The following RYR2 variants were observed in gnomAD, a reference collection of about 807,000 sequenced individuals.
The protein encoded by RYR2 is cardiac muscle ryanodine receptor-calcium release channel.
A neutral mutation model predicts 601.1 loss-of-function variants in RYR2; 227 were observed. The observed-to-expected ratio is 0.38, with a 90% CI of 0.34 to 0.42. The LOEUF (loss-of-function observed/expected upper bound fraction) is 0.42, where lower values mean the gene tolerates loss of function less well. Ranked by LOEUF, RYR2 falls within the 10% of genes least tolerant of loss-of-function variation. The probability of loss-of-function intolerance (pLI) is 1.00; values close to 1 mark genes in which losing one functional copy is unlikely to be tolerated. For synonymous variants in RYR2, 2,223 were observed against 2,175.1 expected (o/e 1.02, Z -0.61); for missense variants, 4,646 against 6,156.5 (o/e 0.75, Z 8.21).
At chr1:237,057,773 A>C (rs934026227) in intron 1 of RYR2, among the ~76,000 whole-genome samples, 1 of 152,130 alleles carries the variant, frequency 6.6e-6, no homozygotes, top group Non-Finnish European at 1.5e-5. Context: ...ACAAGATGGG[A>C]TAGAGATGCC....
At chr1:237,056,330 C>G (rs1273073405) in intron 1 of RYR2, among the ~76,000 whole-genome samples, 2 of 148,338 alleles carry the variant, frequency 1.3e-5, no homozygotes, top group Admixed American at 6.7e-5. Flanking sequence ...AGCACTGCAC[C>G]TATGAGGACT....
Position 237,364,412 on chromosome 1 carries a change from A to G in RYR2, c.309+40A>G, listed in dbSNP as rs371073649. On this transcript the variant is annotated intron_variant, in intron 5 of 104. Transcript: ENST00000366574. Reference sequence around the variant, plus strand: ...TATATATGCTATGTATATATATAGCAGATATATTACTATATATGGATTATA... The same window carrying G: ...TATATATGCTATGTATATATATAGCGGATATATTACTATATATGGATTATA... 2.9e-5 allele frequency: 34 copies of G among 1,176,514 alleles called. No individual in the cohort carries two copies. In the African/African-American group the frequency reaches 4.8e-4, roughly 17 times the overall value. The allele number at this position is 1,176,514 out of a possible 1,614,324, so 72.9% of individuals were successfully genotyped here.
At chr1:237,590,493 G>A (rs1675031781) in intron 30 of RYR2, 147 bp from the exon 31 acceptor site, 2 of 592,316 alleles carry the variant, frequency 3.4e-6, no homozygotes, top group African/African-American at 3.7e-5. Flanking sequence ...CCATAGCACA[G>A]TAATCTGTTT....
chr1:237,641,563 G>A (rs1477596606), intron 47 of RYR2, among the ~76,000 whole-genome samples: 2 of 137,734 alleles, frequency 1.5e-5, no homozygotes, highest in Non-Finnish European at 3.1e-5. Context: ...TTTAATTGAG[G>A]CAAGGTCTTG....
At chr1:237,127,938 C>T (rs376013962) in intron 1 of RYR2, among the ~76,000 whole-genome samples, 12 of 150,386 alleles carry the variant, frequency 8.0e-5, no homozygotes, top group East Asian at 6.0e-4. Flanking sequence ...ACATCCCAGA[C>T]GATGGGCGGC....
chr1:237,786,617 A>G (rs1414533081), intron 91 of RYR2, among the ~76,000 whole-genome samples: 1 of 151,822 alleles, frequency 6.6e-6, no homozygotes, highest in Non-Finnish European at 1.5e-5. Flanking sequence ...ACGCAGCAAT[A>G]AAAAAGAGCT....
chr1:237,378,701 T>C (rs910928844), intron 8 of RYR2, among the ~76,000 whole-genome samples: 22 of 152,242 alleles, frequency 1.4e-4, no homozygotes, highest in African/African-American at 5.1e-4. Flanking sequence ...CCCCCTTTGT[T>C]CTATAAACAT....
chr1:237,353,306 C>T (rs770777995), intron 3 of RYR2, among the ~76,000 whole-genome samples: 2 of 151,722 alleles, frequency 1.3e-5, no homozygotes, highest in Non-Finnish European at 2.9e-5. Flanking sequence ...GTCAGGAGTT[C>T]GAGATCAGCC....
chr1:237,360,806 A>G (rs1699715985), intron 4 of RYR2, among the ~76,000 whole-genome samples: 2 of 152,196 alleles, frequency 1.3e-5, no homozygotes, highest in Non-Finnish European at 2.9e-5. Context: ...CCTGTAATCA[A>G]TATGTCTGTC....
At chr1:237,395,536 T>TTTTTTTTTG in intron 10 of RYR2, among the ~76,000 whole-genome samples, 1 of 11,284 alleles carries the variant, frequency 8.9e-5, no homozygotes, top group Non-Finnish European at 1.3e-4. Flanking sequence ...GGACTGTCTT[T>TTTTTTTTTG]TTTTTTTTTT....
At chr1:237,779,576 C>T (rs1694934957) in intron 88 of RYR2, among the ~76,000 whole-genome samples, 1 of 152,224 alleles carries the variant, frequency 6.6e-6, no homozygotes, top group Non-Finnish European at 1.5e-5. Flanking sequence ...GGTCTCTCTT[C>T]CCTGAGGCCT....
At chr1:237,667,582 G>A (rs1244927234) in intron 57 of RYR2, among the ~76,000 whole-genome samples, 1 of 152,108 alleles carries the variant, frequency 6.6e-6, no homozygotes, top group African/African-American at 2.4e-5. Flanking sequence ...ACAAGAACTT[G>A]TAAATACAAA....
intron 100 of RYR2, among the ~76,000 whole-genome samples, chr1:237,814,297 A>AGAT (rs1173762601): frequency 4.6e-5 from 7 of 152,230 alleles, no homozygotes; most frequent in African/African-American, 1.7e-4. Flanking sequence ...AGTTCTCAAA[A>AGAT]GATGATCCTT....
intron 1 of RYR2, among the ~76,000 whole-genome samples, chr1:237,127,582 C>T (rs1360973779): frequency 6.6e-6 from 1 of 151,704 alleles, no homozygotes; most frequent in Non-Finnish European, 1.5e-5. Context: ...CCACCTCCCT[C>T]CCGGACGGGG....
At chr1:237,797,892 A>G in intron 96 of RYR2, 145 bp from the exon 97 acceptor site, 2 of 687,830 alleles carry the variant, frequency 2.9e-6, no homozygotes, top group Middle Eastern at 5.6e-4. Flanking sequence ...GTGTGATCAC[A>G]GAAGGTGAGC....
intron 70 of RYR2, among the ~76,000 whole-genome samples, chr1:237,710,849 G>T (rs1688780009): frequency 6.6e-6 from 1 of 152,064 alleles, no homozygotes; most frequent in South Asian, 2.1e-4. Context: ...ATACATGAAT[G>T]AATGTATAAA....
At chr1:237,697,586 T>G (rs978128474) in intron 63 of RYR2, among the ~76,000 whole-genome samples, 4 of 148,474 alleles carry the variant, frequency 2.7e-5, no homozygotes, top group Admixed American at 6.8e-5. Context: ...TATGCTGATA[T>G]TTTGCTAAAT....
At chr1:237,083,797 C>G (rs960905485) in intron 1 of RYR2, among the ~76,000 whole-genome samples, 1 of 152,088 alleles carries the variant, frequency 6.6e-6, no homozygotes, top group Non-Finnish European at 1.5e-5. Context: ...TGAAAGATGA[C>G]CAGGGAGCTC....
chr1:237,686,444 C>T (rs1686401918), intron 62 of RYR2, among the ~76,000 whole-genome samples: 2 of 152,144 alleles, frequency 1.3e-5, no homozygotes, highest in South Asian at 4.1e-4. Context: ...TGTCAGAACG[C>T]TGACCTACTT....
Sources: gnomAD v4.1 joint callset for allele counts (sites outside exome capture counted in the v4.1 genomes callset) on GRCh38, gnomAD v4.1.1 for gene constraint, MANE v1.5 for transcripts, NCBI Gene and HGNC (gene_info 2026-07-23, HGNC 2026-07-21) for gene names.